The following RP1 variants were observed in gnomAD, a reference collection of about 807,000 sequenced individuals.
RP1 encodes oxygen-regulated protein 1.
Under a neutral mutation model 14.8 loss-of-function variants are expected in RP1, and 16 were observed. The ratio of observed to expected loss-of-function variants is 1.08; its 90% CI spans 0.73 to 1.65. RP1 has a LOEUF of 1.65. Ranked by LOEUF, RP1 falls within the 40% of genes most tolerant of loss-of-function variation. The pLI, the probability that RP1 is intolerant of heterozygous loss-of-function variation, is 0.00. For missense variants in RP1, 2,631 were observed against 2,535.0 expected, an observed-to-expected ratio of 1.04 and a Z score of -0.81; for synonymous variants, 876 against 883.6, an observed-to-expected ratio of 0.99 and a Z score of 0.15.
intron 24 of RP1, among the ~76,000 whole-genome samples, chr8:54,794,411 G>A (rs74906521): frequency 0.13 from 19,112 of 151,910 alleles, 1,397 homozygotes; most frequent in South Asian, 0.17. Flanking sequence ...AGAAATAAAC[G>A]CATGCATATA....
At chr8:54,805,376 A>C (rs1328122505) in intron 24 of RP1, among the ~76,000 whole-genome samples, 1 of 152,224 alleles carries the variant, frequency 6.6e-6, no homozygotes, top group African/African-American at 2.4e-5. Context: ...CCAAGTTTGA[A>C]TATTGGTCTC....
chr8:54,840,739 C>A (rs1811772701), intron 25 of RP1, among the ~76,000 whole-genome samples: 1 of 151,786 alleles, frequency 6.6e-6, no homozygotes, highest in Admixed American at 6.6e-5. Flanking sequence ...TTCCCTGCAT[C>A]TTTCTGTTCA....
chr8:54,756,383 A>T (rs959324711), intron 21 of RP1, among the ~76,000 whole-genome samples: 2 of 152,228 alleles, frequency 1.3e-5, no homozygotes, highest in African/African-American at 4.8e-5. Context: ...ATCTAAAGGC[A>T]TATTTTTAAG....
intron 7 of RP1, among the ~76,000 whole-genome samples, chr8:54,671,369 CA>C (rs1445357339): frequency 6.6e-6 from 1 of 152,056 alleles, no homozygotes; most frequent in Non-Finnish European, 1.5e-5. Context: ...ATGTGCATTT[CA>C]CTCCTCAGAT....
chr8:54,729,469 A>G (rs1808739031), intron 17 of RP1, among the ~76,000 whole-genome samples: 1 of 152,114 alleles, frequency 6.6e-6, no homozygotes, highest in African/African-American at 2.4e-5. Flanking sequence ...TCTTCCTTAA[A>G]AACAGCAGTC....
At chr8:54,785,667 A>G (rs765828827) in intron 24 of RP1, among the ~76,000 whole-genome samples, 2 of 152,076 alleles carry the variant, frequency 1.3e-5, no homozygotes, top group Non-Finnish European at 2.9e-5. Context: ...ACAAGGTTTC[A>G]TCTTTCTCCA....
At chr8:54,798,427 A>G (rs955647953) in intron 24 of RP1, among the ~76,000 whole-genome samples, 2 of 152,246 alleles carry the variant, frequency 1.3e-5, no homozygotes, top group African/African-American at 4.8e-5. Flanking sequence ...TGAAGACTCC[A>G]GGAATACATT....
At chr8:54,657,917 T>A (rs781276162) in intron 6 of RP1, among the ~76,000 whole-genome samples, 3 of 152,250 alleles carry the variant, frequency 2.0e-5, no homozygotes, top group Non-Finnish European at 4.4e-5. Context: ...TTAATTGTGA[T>A]AATTAACACA....
At chr8:54,588,375 G>A (rs919300952) in intron 1 of RP1, among the ~76,000 whole-genome samples, 1 of 152,168 alleles carries the variant, frequency 6.6e-6, no homozygotes. Flanking sequence ...GTCCAGAAAA[G>A]GTTAAGCATG....
chr8:54,658,522 G>A lies in RP1; in HGVS notation c.1171+2307G>A, dbSNP rs1049112672. ...GCCGAGATCCCGCCACTGCACTCCA[G>A]CCTGGGCGACAGAGCGAGACTCCGT... On this transcript the variant is annotated intron_variant, in intron 6 of 22. Transcript: ENST00000636932. 3.6e-4 allele frequency among the ~76,000 whole-genome samples: 45 copies of A among 126,654 alleles called. No individual in the cohort carries two copies. In the Admixed American group the frequency reaches 3.9e-3, roughly 11 times the overall value. The allele number at this position is 126,654 out of a possible 152,430, so 83.1% of individuals were successfully genotyped here.
intron 18 of RP1, among the ~76,000 whole-genome samples, chr8:54,736,708 C>G (rs764917051): frequency 9.9e-5 from 15 of 152,080 alleles, no homozygotes; most frequent in Admixed American, 2.0e-4. Context: ...TGGAAGCCCC[C>G]AGGAGTGTAG....
chr8:54,642,533 G>C (rs920186584), intron 3 of RP1, among the ~76,000 whole-genome samples: 3 of 151,988 alleles, frequency 2.0e-5, no homozygotes, highest in African/African-American at 7.2e-5. Context: ...TGAGATAATA[G>C]TATCCAAATT....
intron 4 of RP1, among the ~76,000 whole-genome samples, chr8:54,649,582 A>G (rs1214791867): frequency 1.3e-5 from 2 of 152,222 alleles, no homozygotes; most frequent in Non-Finnish European, 2.9e-5. Context: ...TCTAGAGGGA[A>G]ACAGAGGTAA....
At chr8:54,829,990 A>G (rs1236894256) in intron 24 of RP1, among the ~76,000 whole-genome samples, 1 of 152,212 alleles carries the variant, frequency 6.6e-6, no homozygotes, top group Non-Finnish European at 1.5e-5. Flanking sequence ...TAGAATTAAA[A>G]AAAGAGTATG....
At chr8:54,808,807 C>T (rs370770164) in intron 24 of RP1, among the ~76,000 whole-genome samples, 2 of 152,202 alleles carry the variant, frequency 1.3e-5, no homozygotes, top group Non-Finnish European at 2.9e-5. Context: ...CATCTTTTCT[C>T]TCTGGAAACT....
chr8:54,559,916 C>T (rs973349602), intron 1 of RP1, among the ~76,000 whole-genome samples: 5 of 152,176 alleles, frequency 3.3e-5, no homozygotes, highest in Non-Finnish European at 7.3e-5. Flanking sequence ...ACTCAGTCCC[C>T]AACTGGGAGA....
chr8:54,656,196 A>C (rs1227242678), exon 6 of RP1: 5 of 1,535,446 alleles, frequency 3.3e-6, no homozygotes, highest in Middle Eastern at 1.7e-4. Flanking sequence ...TTTTAAGTAA[A>C]GGACAACCTG....
At chr8:54,690,663 T>G (rs1412942624) in intron 12 of RP1, among the ~76,000 whole-genome samples, 2 of 152,148 alleles carry the variant, frequency 1.3e-5, no homozygotes, top group Non-Finnish European at 1.5e-5. Context: ...TTTTCTGGGA[T>G]GTATACTGTA....
intron 24 of RP1, among the ~76,000 whole-genome samples, chr8:54,806,010 T>G (rs1810842114): frequency 6.6e-6 from 1 of 151,974 alleles, no homozygotes; most frequent in Non-Finnish European, 1.5e-5. Flanking sequence ...TTTTTATTAT[T>G]TTTATTTTTA....
Sources: allele counts gnomAD v4.1 joint callset (sites outside exome capture counted in the v4.1 genomes callset), GRCh38; gene constraint gnomAD v4.1.1; transcripts MANE v1.5; gene names NCBI Gene and HGNC (gene_info 2026-07-23, HGNC 2026-07-21).